TNXB: variants seen among roughly 807,000 people sequenced by gnomAD.
The protein encoded by TNXB is tenascin-X.
TNXB carries 183 observed loss-of-function variants against 340.5 expected under a neutral mutation model. The observed-to-expected ratio is 0.54, with a 90% confidence interval of 0.48 to 0.61. The LOEUF (loss-of-function observed/expected upper bound fraction) is 0.61, where lower values mean the gene tolerates loss of function less well. TNXB is among the 20% of genes least tolerant of loss of function. The pLI is 0.00. For missense variants in TNXB, 4,613 were observed against 5,446.4 expected (o/e 0.85, Z 4.82); for synonymous variants, 2,121 against 2,314.5 (o/e 0.92, Z 2.40).
At position 32,081,961 on chromosome 6, in the gene TNXB, C is replaced by T. The variant is rs116498230; in HGVS notation, c.3736+75G>A. The T allele has an allele frequency of 8.3e-3, 12,031 of 1,447,694 alleles. 53 individuals are homozygous for T. The highest frequency in any genetic ancestry group is 0.01 in the Non-Finnish European group (10,987 of 1,074,508). 89.7% of individuals were successfully genotyped at this position (1,447,694 alleles called of 1,614,324 possible). The stretch of plus-strand genomic sequence containing the variant: ...CAGCTGTCTTGCTGGGGGACCCCAG[C>T]TGGTTTTGGGCTGAAGGGAAGTGTG... On this transcript the variant is annotated intron_variant, in intron 9 of 43. Coordinates refer to ENST00000644971, the MANE Select transcript of TNXB (RefSeq NM_001365276.2). This position sits in a 1 kb window ranked among gnomAD's most constrained non-coding sequence, Gnocchi z 5.1.
At position 32,050,158 on chromosome 6, in the gene TNXB, C is replaced by A. The variant is rs755470483; in HGVS notation, c.9279G>T (p.Gln3093His). Residue 3093 changes from glutamine (Q) to histidine (H), a missense_variant, in exon 27 of 44, where the codon CAG becomes CAT. Gln to His is a conservative substitution (Grantham distance 24). This residue lies in a region of TNXB where 4,327 missense variants were observed against 4,859.4 expected (regional missense o/e 0.89). Transcript: ENST00000644971. ...TGGGCTGCCCATCCCCATTCCTGTA[C>A]TGGACCAGGAAGTGGTCAAACTGGC... ...PEGQFDHFLV[Q>H]YRNGDGQPKA... 5 of 1,613,900 alleles carry A rather than the reference C, an allele frequency of 3.1e-6. No individual in the cohort carries two copies. The highest frequency in any genetic ancestry group is 4.2e-6 in the Non-Finnish European group (5 of 1,179,896).
In TNXB at chr6:32,108,817, C is replaced by T. The variant is rs1210817310; in HGVS notation, c.-9+364G>A. ...AGTTCAGCCTAGTCCTATCTTCCCG[C>T]TAGCCCCAGCACCTCCAGGGCCCAG... On this transcript the variant is annotated intron_variant, in intron 1 of 43. Transcript: ENST00000644971. This position sits in a 1 kb window ranked among gnomAD's most constrained non-coding sequence, Gnocchi z 4.8. Among the ~76,000 whole-genome samples the T allele has an allele frequency of 1.3e-5, 2 of 152,146 alleles. No homozygotes were observed. Among genetic ancestry groups the T allele is most frequent in the Non-Finnish European group, 2.9e-5 (2 of 68,010 alleles).
In TNXB at chr6:32,041,187, G is replaced by C; in HGVS notation, c.*162C>G. ...CCTCAGTTTCTCCTTTATTGCTCCC[G>C]TACGAACCCCTCCCCTCCCCCCTGT... On this transcript the variant is annotated 3_prime_UTR_variant, in exon 44 of 44. Transcript: ENST00000644971. 1 of 1,154,534 alleles carries C rather than the reference G, an allele frequency of 8.7e-7. No individual in the cohort carries two copies. Among genetic ancestry groups the C allele is most frequent in the Admixed American group, 1.7e-5 (1 of 57,512 alleles). 71.5% of individuals were successfully genotyped at this position (1,154,534 alleles called of 1,614,324 possible).
chr6:32,055,644 C>A (rs1777577326), intron 24 of TNXB, among the ~76,000 whole-genome samples: 1 of 152,208 alleles, frequency 6.6e-6, no homozygotes, highest in African/African-American at 2.4e-5. Context: ...TGATCATGGG[C>A]CAGCAGCATC....
chr6:32,096,340 C>T lies in TNXB; in HGVS notation c.1513G>A (p.Gly505Arg), dbSNP rs1370893231. The stretch of plus-strand genomic sequence containing the variant: ...ACGCAGCGGCCATCCACGCAGCGCC[C>T]GCGCCCGCGACAGTCGCCAGGACAG... ...RACPGDCRGR[G>R]RCVDGRCVCN... Residue 505 changes from glycine to arginine, a missense_variant, in exon 3 of 44, where the codon GGG (glycine) becomes AGG (arginine). By Grantham distance (125) the Gly-to-Arg change is moderately radical (BLOSUM62 -2). Around this residue, in one of 7 missense-constraint regions of TNXB, gnomAD observed 4,327 missense variants for 4,859.4 expected, o/e 0.89. Transcript: ENST00000644971. The T allele has an allele frequency of 5.8e-6, 9 of 1,549,478 alleles. No homozygotes were observed. Among genetic ancestry groups the T allele is most frequent in the Non-Finnish European group, 7.8e-6 (9 of 1,153,422 alleles).
At position 32,049,364 on chromosome 6, in the gene TNXB, C is replaced by A. The variant is rs2242569; in HGVS notation, c.9663G>T (p.Val3221=). The A allele has an allele frequency of 2.5e-6, 4 of 1,612,502 alleles. No individual in the cohort carries two copies. Among genetic ancestry groups the A allele is most frequent in the Non-Finnish European group, 3.4e-6 (4 of 1,179,866 alleles). ...RVRGEESEVT[V]GGLEPGRKYK... is the part of the protein sequence containing the mutation. ...ATTTGCGCCCGGGCTCCAGGCCCCC[C>A]ACGGTGACCTCGCTCTCCTCGCCCC... The change falls in exon 28 of 44, where the codon GTG becomes GTT. Residue 3221 remains valine (V), a synonymous_variant. Coordinates refer to ENST00000644971, the MANE Select transcript of TNXB (RefSeq NM_001365276.2). The surrounding 1 kb of genome is among the most constrained non-coding windows in gnomAD (Gnocchi z 4.5).
rs772713520 is a variant in TNXB, at chr6:32,070,454, G to A, written c.4991-40C>T. On this transcript the variant is annotated intron_variant, in intron 13 of 43. Transcript: ENST00000644971. This position sits in a 1 kb window ranked among gnomAD's most constrained non-coding sequence, Gnocchi z 6.0. ...TTCTTGTGTTTATTTTTTCCAAAAC[G>A]ACTCCTTGACTGCCTCCCTCTGGGG... 1.1e-5 allele frequency: 17 copies of A among 1,510,414 alleles called. No homozygotes were observed. Among genetic ancestry groups the A allele is most frequent in the Admixed American group, 4.2e-5 (2 of 47,588 alleles). 93.6% of individuals were successfully genotyped at this position (1,510,414 alleles called of 1,614,324 possible). A position where few individuals can be genotyped will look rare whatever the true frequency, so the allele number is the denominator to read the frequency against.
At position 32,068,714 on chromosome 6, in the gene TNXB, A is replaced by G; in HGVS notation, c.5903-7T>C. ...GGCTTCTCCTCCTCCGGGACTGGAC[A>G]GAGACATGGAAAGAGAGGACTGAGG... On this transcript the variant is annotated splice_polypyrimidine_tract_variant and splice_region_variant and intron_variant, in intron 16 of 43. Coordinates refer to ENST00000644971, the MANE Select transcript of TNXB (RefSeq NM_001365276.2). This position sits in a 1 kb window ranked among gnomAD's most constrained non-coding sequence, Gnocchi z 5.3. 6.8e-6 allele frequency: 11 copies of G among 1,611,462 alleles called. No individual in the cohort carries two copies. The highest frequency in any genetic ancestry group is 9.3e-6 in the Non-Finnish European group (11 of 1,178,088).
chr6:32,073,735 G>A lies in TNXB; in HGVS notation c.4593C>T (p.Asn1531=), dbSNP rs750836231. The part of the protein sequence containing the change: ...AADQREVTVY[N]LEPERKYKMN... ...TCTTATATTTTCTCTCAGGCTCCAG[G>A]TTGTAGACTGTGACCTCTCGCTGGT... The change falls in exon 12 of 44, where the codon AAC becomes AAT. Residue 1531 remains asparagine (N), a synonymous_variant. Transcript: ENST00000644971. This position sits in a 1 kb window ranked among gnomAD's most constrained non-coding sequence, Gnocchi z 4.6. The A allele has an allele frequency of 3.7e-6, 6 of 1,612,258 alleles. No individual in the cohort carries two copies. In the African/African-American group the frequency reaches 6.7e-5, roughly 18 times the overall value.
intron 1 of TNXB, among the ~76,000 whole-genome samples, chr6:32,106,139 G>T (rs1471433984): frequency 6.6e-6 from 1 of 151,392 alleles, no homozygotes; most frequent in Non-Finnish European, 1.5e-5. Context: ...CATGGGGGGG[G>T]GGGCTTCTGG....
At chr6:32,099,866 G>A (rs1780620317) in intron 1 of TNXB, among the ~76,000 whole-genome samples, 2 of 144,974 alleles carry the variant, frequency 1.4e-5, no homozygotes, top group East Asian at 2.0e-4. Flanking sequence ...ACTAATTAAC[G>A]ACAAAAGTGC....
chr6:32,068,119 G>A lies in TNXB; in HGVS notation c.6221-135C>T, dbSNP rs545445269. 2 of 1,315,708 alleles carry A rather than the reference G, an allele frequency of 1.5e-6. No individual in the cohort carries two copies. Among genetic ancestry groups the A allele is most frequent in the Admixed American group, 5.3e-5 (2 of 37,720 alleles). 81.5% of individuals were successfully genotyped at this position (1,315,708 alleles called of 1,614,324 possible). On this transcript the variant is annotated intron_variant, in intron 17 of 43. Transcript: ENST00000644971. This position sits in a 1 kb window ranked among gnomAD's most constrained non-coding sequence, Gnocchi z 5.3. ...TCTTGGGGCTGGGTGGTCCTGCTCA[G>A]CTGACAGCTAACACACATGACAAGT...
intron 6 of TNXB, among the ~76,000 whole-genome samples, chr6:32,086,832 A>G (rs73406030): frequency 1.2e-3 from 189 of 152,366 alleles, no homozygotes; most frequent in African/African-American, 4.4e-3. Context: ...TGTGGAAAAC[A>G]GTAACCACTA....
chr6:32,059,230 C>T (rs1217444975), intron 21 of TNXB, among the ~76,000 whole-genome samples: 2 of 151,042 alleles, frequency 1.3e-5, no homozygotes, highest in East Asian at 3.9e-4. Flanking sequence ...TCTAGCTTGG[C>T]CAATATCATG....
In TNXB at chr6:32,041,319, T is replaced by C. The variant is rs1245537101; in HGVS notation, c.*30A>G. On this transcript the variant is annotated 3_prime_UTR_variant, in exon 44 of 44. Transcript: ENST00000644971. ...GCGACCCCTCAGTGCTCGGCAGTCA[T>C]ACTGGGGTGCGAGAGAGGTGGGCAG... The C allele has an allele frequency of 2.5e-6, 2 of 792,126 alleles. No homozygotes were observed. Among genetic ancestry groups the C allele is most frequent in the Non-Finnish European group, 4.4e-6 (2 of 457,592 alleles). 49.1% of individuals were successfully genotyped at this position (792,126 alleles called of 1,614,324 possible).
In TNXB at chr6:32,079,291, G is replaced by T. The variant is rs527420736; in HGVS notation, c.4117C>A (p.Pro1373Thr). The T allele has an allele frequency of 7.4e-6, 12 of 1,613,062 alleles. No individual in the cohort carries two copies. In the South Asian group the frequency reaches 1.3e-4, roughly 18 times the overall value. ...GTCACTGTCAGCTCCCCCAGGAGCG[G>T]CTCCTCGGGGGACTCCGGGGCCTCC... The part of the protein sequence containing the change: ...GTEAPESPEE[P>T]LLGELTVTGS... Residue 1373 changes from proline to threonine, a missense_variant, in exon 11 of 44, where the codon CCG (proline) becomes ACG (threonine). Pro to Thr is a conservative substitution (Grantham distance 38). Transcript: ENST00000644971. This position sits in a 1 kb window ranked among gnomAD's most constrained non-coding sequence, Gnocchi z 7.1.
rs1186145254 is a variant in TNXB at position 32,061,763 on chromosome 6, G to A, written c.7169-43C>T. 1.9e-6 allele frequency: 3 copies of A among 1,596,814 alleles called. No individual in the cohort carries two copies. The highest frequency in any genetic ancestry group is 3.4e-5 in the Admixed American group (2 of 58,944). ...AGAGAGGATGGCAGGGTCCCTGGGG[G>A]ATGTGCTTACGTCGTGGGGAAAAGG... is the stretch of plus-strand genomic sequence containing the variant. On this transcript the variant is annotated intron_variant, in intron 20 of 43. Coordinates refer to ENST00000644971, the MANE Select transcript of TNXB (RefSeq NM_001365276.2). This position sits in a 1 kb window ranked among gnomAD's most constrained non-coding sequence, Gnocchi z 4.4.
chr6:32,072,055 T>G lies in TNXB; in HGVS notation c.4925A>C (p.Lys1642Thr). The G allele has an allele frequency of 1.9e-6, 3 of 1,612,502 alleles. No individual in the cohort carries two copies. The highest frequency in any genetic ancestry group is 2.5e-6 in the Non-Finnish European group (3 of 1,179,308). ...IPDLEPSRKY[K>T]FLLFGIQDGK... ...ATCCTGGATCCCAAAGAGCAGGAAC[T>G]TGTACTTGCGGGAGGGTTCCAGGTC... Residue 1642 changes from lysine (K) to threonine (T), a missense_variant, in exon 13 of 44, where the codon AAG becomes ACG. Lys to Thr is a moderately conservative substitution (Grantham distance 78). Around this residue, in one of 7 missense-constraint regions of TNXB, gnomAD observed 4,327 missense variants for 4,859.4 expected, o/e 0.89. Transcript: ENST00000644971. This position sits in a 1 kb window ranked among gnomAD's most constrained non-coding sequence, Gnocchi z 4.4.
intron 1 of TNXB, among the ~76,000 whole-genome samples, chr6:32,104,015 G>A (rs1582494455): frequency 6.6e-6 from 1 of 152,260 alleles, no homozygotes; most frequent in East Asian, 1.9e-4. Flanking sequence ...ACAGGCATGA[G>A]CCACCACACC....
Sources: allele counts gnomAD v4.1 joint callset (sites outside exome capture counted in the v4.1 genomes callset), GRCh38; gene constraint gnomAD v4.1.1; regional missense constraint gnomAD v4.1.1; non-coding constraint Gnocchi (gnomAD v3.1); transcripts MANE v1.5; gene names NCBI Gene and HGNC (gene_info 2026-07-23, HGNC 2026-07-21).